CARD14: variants seen among roughly 807,000 people sequenced by gnomAD.
CARD14 encodes the protein caspase recruitment domain family member 14.
A neutral mutation model predicts 111.5 loss-of-function variants in CARD14; 107 were observed. That is an observed-to-expected ratio of 0.96 (90% confidence interval 0.82 to 1.13). CARD14 has a LOEUF of 1.13. CARD14 is among the 50% of genes most tolerant of loss of function. The pLI is 0.00. For synonymous variants in CARD14, 617 were observed against 579.6 expected (o/e 1.06, Z -0.93); for missense variants, 1,322 against 1,362.3 (o/e 0.97, Z 0.47).
Position 80,182,740 on chromosome 17 carries a change from A to G in CARD14, c.299A>G (p.Tyr100Cys), listed in dbSNP as rs552779505. The change falls in exon 6 of 24, where the codon TAC becomes TGC. Residue 100 changes from tyrosine to cysteine, a missense_variant. Physicochemically the swap from Tyr to Cys is radical, Grantham distance 194. Coordinates refer to ENST00000648509, the MANE Select transcript of CARD14 (RefSeq NM_001366385.1). The surrounding 1 kb of genome is among the most constrained non-coding windows in gnomAD (Gnocchi z 4.7). ...ESLKFHNPDV[Y>C]TLVTGLQPDV... ...CTGAAGTTCCACAACCCTGACGTCT[A>G]CACCCTGGTCACCGGGCTGCAGCCT... 1.8e-5 allele frequency: 29 copies of G among 1,614,162 alleles called. 1 individual carries two copies. In the Admixed American group the frequency reaches 4.3e-4, roughly 24 times the overall value.
At chr17:80,173,818 C>T (rs1052941369) in intron 2 of CARD14, among the ~76,000 whole-genome samples, 4 of 151,998 alleles carry the variant, frequency 2.6e-5, no homozygotes, top group African/African-American at 4.8e-5. Context: ...AGACTGGTCT[C>T]GAACTCCTGA....
At chr17:80,190,924 C>A (rs748554276) in intron 10 of CARD14, 25 bp downstream of exon 10, 1 of 1,608,176 alleles carries the variant, frequency 6.2e-7, no homozygotes, top group African/African-American at 1.3e-5. Flanking sequence ...GGGCCCACCC[C>A]GCCACCCCAT....
Position 80,183,901 on chromosome 17 carries a change from A to G in CARD14, c.350-12A>G, listed in dbSNP as rs936840704. 2 of 1,468,958 alleles carry G rather than the reference A, an allele frequency of 1.4e-6. No individual in the cohort carries two copies. The highest frequency in any genetic ancestry group is 1.4e-5 in the African/African-American group (1 of 71,072). 91.0% of individuals were successfully genotyped at this position (1,468,958 alleles called of 1,614,324 possible). A position where few individuals can be genotyped will look rare whatever the true frequency, so the allele number is the denominator to read the frequency against. On this transcript the variant is annotated splice_polypyrimidine_tract_variant and intron_variant, in intron 6 of 23. Transcript: ENST00000648509. ...TACCTGCTCACTTGCTCACCTGCCC[A>G]TCTGCCCACAGGTCTCATGGAGACA...
intron 12 of CARD14, among the ~76,000 whole-genome samples, chr17:80,194,284 G>A (rs1017718137): frequency 2.6e-5 from 4 of 152,126 alleles, no homozygotes; most frequent in Admixed American, 1.3e-4. Context: ...ACGGGTGCCC[G>A]TTGGTTCCCC....
At chr17:80,171,313 CTCTT>C (rs921236658) in intron 1 of CARD14, among the ~76,000 whole-genome samples, 12 of 149,130 alleles carry the variant, frequency 8.0e-5, no homozygotes, top group East Asian at 4.0e-4. Context: ...CTCTCTCTCT[CTCTT>C]TCTTTCTTTT....
intron 7 of CARD14, among the ~76,000 whole-genome samples, chr17:80,185,848 C>T (rs1449974886): frequency 6.6e-6 from 1 of 152,178 alleles, no homozygotes; most frequent in East Asian, 1.9e-4. Context: ...CACATGTATA[C>T]AGAAATTATG....
intron 1 of CARD14, among the ~76,000 whole-genome samples, chr17:80,171,670 A>G (rs2039906553): frequency 6.6e-6 from 1 of 152,176 alleles, no homozygotes; most frequent in Non-Finnish European, 1.5e-5. Context: ...CTTGAAGTTC[A>G]GTGTGGCTCT....
chr17:80,198,308 A>G lies in CARD14; in HGVS notation c.1659-91A>G. On this transcript the variant is annotated intron_variant, in intron 15 of 23. Coordinates refer to ENST00000648509, the MANE Select transcript of CARD14 (RefSeq NM_001366385.1). This position sits in a 1 kb window ranked among gnomAD's most constrained non-coding sequence, Gnocchi z 7.5. ...CATGGAGGGGGAGGAGAATTCCAGA[A>G]CACTGGGGCCAGAGGGAAGCAATGG... The G allele has an allele frequency of 1.3e-6, 2 of 1,567,334 alleles. No homozygotes were observed. The highest frequency in any genetic ancestry group is 1.7e-5 in the Admixed American group (1 of 57,794).
chr17:80,198,573 G>A lies in CARD14; in HGVS notation c.1833G>A (p.Pro611=), dbSNP rs534430051. Reference sequence around the variant, plus strand: ...CGGCGGACCAGATGGCCTTGCGCCCGGGCACCCAGATTGTGATGGTGAGCC... The same window carrying A: ...CGGCGGACCAGATGGCCTTGCGCCCAGGCACCCAGATTGTGATGGTGAGCC... ...GSAADQMALR[P]GTQIVMVDYE... The change falls in exon 16 of 24, where the codon CCG becomes CCA. Residue 611 remains proline, a synonymous_variant. Coordinates refer to ENST00000648509, the MANE Select transcript of CARD14 (RefSeq NM_001366385.1). The surrounding 1 kb of genome is among the most constrained non-coding windows in gnomAD (Gnocchi z 7.5). The A allele has an allele frequency of 8.4e-5, 135 of 1,612,544 alleles. 2 individuals carry two copies. The highest frequency in any genetic ancestry group is 8.4e-4 in the South Asian group (76 of 91,004).
chr17:80,181,304 G>A (rs1380418700), intron 4 of CARD14, 115 bp from the exon 5 acceptor site: 11 of 755,526 alleles, frequency 1.5e-5, no homozygotes, highest in Non-Finnish European at 1.9e-5. Context: ...GTTCTGACTG[G>A]CAAAGAGTGC....
chr17:80,177,218 CTCT>C (rs1312609616), intron 2 of CARD14, among the ~76,000 whole-genome samples: 9 of 152,072 alleles, frequency 5.9e-5, no homozygotes, highest in South Asian at 4.2e-4. Context: ...CCTTCTCCTC[CTCT>C]TCTTCTTCTT....
intron 20 of CARD14, 27 bp from the exon 21 acceptor site, chr17:80,205,008 C>T (rs1437393535): frequency 6.5e-7 from 1 of 1,528,448 alleles, no homozygotes; most frequent in Non-Finnish European, 8.8e-7. Flanking sequence ...GCAGCCTCAC[C>T]CACCCTCAGG....
intron 6 of CARD14, among the ~76,000 whole-genome samples, chr17:80,183,487 C>T (rs1029272714): frequency 6.6e-6 from 1 of 152,112 alleles, no homozygotes. Context: ...TTTCAGCTAC[C>T]GAGGAGGGTC....
Position 80,195,055 on chromosome 17 carries a change from G to A in CARD14, c.1357-136G>A. The A allele has an allele frequency of 8.9e-7, 1 of 1,125,610 alleles. No homozygotes were observed. Among genetic ancestry groups the A allele is most frequent in the Non-Finnish European group, 1.2e-6 (1 of 804,020 alleles). 69.7% of individuals were successfully genotyped at this position (1,125,610 alleles called of 1,614,324 possible). A position where few individuals can be genotyped will look rare whatever the true frequency, so the allele number is the denominator to read the frequency against. On this transcript the variant is annotated intron_variant, in intron 12 of 23. Coordinates refer to ENST00000648509, the MANE Select transcript of CARD14 (RefSeq NM_001366385.1). The surrounding 1 kb of genome is among the most constrained non-coding windows in gnomAD (Gnocchi z 4.7). ...AGGTGCTCAGCGCATGTGACCCCAT[G>A]TGTGTCCTTCTTTCCCCTCCTGCCT...
At chr17:80,186,152 A>G (rs2040335969) in intron 7 of CARD14, among the ~76,000 whole-genome samples, 1 of 152,148 alleles carries the variant, frequency 6.6e-6, no homozygotes, top group Non-Finnish European at 1.5e-5. Context: ...GCTGTGAATG[A>G]CGACCGTGCC....
At position 80,198,661 on chromosome 17, in the gene CARD14, C is replaced by T. The variant is rs1328213724; in HGVS notation, c.1851+70C>T. On this transcript the variant is annotated intron_variant, in intron 16 of 23. Transcript: ENST00000648509. The surrounding 1 kb of genome is among the most constrained non-coding windows in gnomAD (Gnocchi z 7.5). ...GACAGTGGCAGCGGGTGGGGTGACC[C>T]AGGCAGACTTCACCTCCCCCAGACG... The T allele has an allele frequency of 6.2e-7, 1 of 1,608,014 alleles. No homozygotes were observed. The highest frequency in any genetic ancestry group is 2.2e-5 in the East Asian group (1 of 44,870).
In CARD14 at chr17:80,172,608, C is replaced by T. The variant is rs181432407; in HGVS notation, c.-689-298C>T. Among the ~76,000 whole-genome samples, 243 of 152,242 alleles carry T rather than the reference C, an allele frequency of 1.6e-3. 2 individuals carry two copies. The highest frequency in any genetic ancestry group is 0.01 in the Admixed American group (154 of 15,286). ...CGCTGTAGCTGGAGGAGCTCGGCGTCGGCGTGCCTTCGCCTCCCCTTGCCA... is the reference window on the plus strand; with the variant it reads ...CGCTGTAGCTGGAGGAGCTCGGCGTTGGCGTGCCTTCGCCTCCCCTTGCCA... On this transcript the variant is annotated intron_variant, in intron 1 of 23. Transcript: ENST00000648509.
At chr17:80,196,712 G>A (rs185194556) in intron 14 of CARD14, 1 of 152,374 alleles carries the variant, frequency 6.6e-6, no homozygotes, top group Admixed American at 6.5e-5. Context: ...TAAAATGCTA[G>A]AGCTTGGGAG....
In CARD14 at chr17:80,170,970, A is replaced by G. The variant is rs112017524; in HGVS notation, c.-690+914A>G. Among the ~76,000 whole-genome samples the G allele has an allele frequency of 8.6e-3, 1,296 of 150,472 alleles. 9 individuals are homozygous for G. Among genetic ancestry groups the G allele is most frequent in the South Asian group, 0.041 (196 of 4,734 alleles). On this transcript the variant is annotated intron_variant, in intron 1 of 23. Transcript: ENST00000648509. ...ATTCTCCTGCCTCAGTCTCCCAAGT[A>G]GCTGGGACTATAGGTGCACGCCACC... is the stretch of plus-strand genomic sequence containing the variant.
Sources: allele counts gnomAD v4.1 joint callset (sites outside exome capture counted in the v4.1 genomes callset), GRCh38; gene constraint gnomAD v4.1.1; non-coding constraint Gnocchi (gnomAD v3.1); transcripts MANE v1.5; gene names NCBI Gene and HGNC (gene_info 2026-07-23, HGNC 2026-07-21).